The following LUZP2 variants were observed in gnomAD, a reference collection of about 807,000 sequenced individuals.
LUZP2 encodes leucine zipper protein 2.
In LUZP2, 52 loss-of-function variants were observed where a neutral mutation model predicts 51.6. The observed-to-expected ratio is 1.01, with a 90% CI of 0.81 to 1.27. The LOEUF is 1.27. Among genes scored for constraint, LUZP2 ranks in the 50% most tolerant of loss-of-function variants. LUZP2 has a pLI of 0.00. For synonymous variants in LUZP2, 154 were observed against 137.3 expected (o/e 1.12, Z -0.85); for missense variants, 436 against 395.4 (o/e 1.10, Z -0.87).
chr11:24,617,024 G>A (rs1236641829), intron 1 of LUZP2, among the ~76,000 whole-genome samples: 17 of 152,068 alleles, frequency 1.1e-4, no homozygotes, highest in Admixed American at 7.9e-4. Context: ...GTTGGTTGAC[G>A]GCATGAACTA....
At chr11:24,722,785 TG>T (rs1178365500) in intron 1 of LUZP2, among the ~76,000 whole-genome samples, 1 of 151,418 alleles carries the variant, frequency 6.6e-6, no homozygotes, top group Non-Finnish European at 1.5e-5. Flanking sequence ...GGCGTGGGGG[TG>T]CATGCCTGTA....
At chr11:24,782,270 G>C (rs1357821537) in intron 5 of LUZP2, among the ~76,000 whole-genome samples, 3 of 152,066 alleles carry the variant, frequency 2.0e-5, no homozygotes, top group Non-Finnish European at 4.4e-5. Flanking sequence ...AGCATTAGAA[G>C]TATGGTCAGA....
intron 4 of LUZP2, among the ~76,000 whole-genome samples, chr11:24,750,356 A>G (rs1366614240): frequency 6.6e-6 from 1 of 152,208 alleles, no homozygotes; most frequent in East Asian, 1.9e-4. Flanking sequence ...ATACTGCATC[A>G]TTTGCATTAT....
intron 7 of LUZP2, among the ~76,000 whole-genome samples, chr11:24,957,136 G>A (rs1269317184): frequency 6.6e-6 from 1 of 152,110 alleles, no homozygotes; most frequent in Non-Finnish European, 1.5e-5. Flanking sequence ...AACTGTTGGA[G>A]TGAAAGTAGC....
At chr11:24,648,165 C>T (rs1855518772) in intron 1 of LUZP2, among the ~76,000 whole-genome samples, 1 of 151,894 alleles carries the variant, frequency 6.6e-6, no homozygotes, top group South Asian at 2.1e-4. Context: ...ATTCCTAAAG[C>T]TTGTCTTGCC....
intron 7 of LUZP2, among the ~76,000 whole-genome samples, chr11:24,948,849 AT>A (rs1322340295): frequency 1.3e-5 from 2 of 150,362 alleles, no homozygotes; most frequent in Non-Finnish European, 3.0e-5. Context: ...CTATCTATCT[AT>A]CTATCTATCT....
intron 1 of LUZP2, among the ~76,000 whole-genome samples, chr11:24,538,736 G>A (rs1054982146): frequency 7.9e-5 from 12 of 151,720 alleles, no homozygotes; most frequent in Middle Eastern, 3.4e-3. Flanking sequence ...AAAAATAATT[G>A]TGAGAAAGCA....
At chr11:24,965,161 A>T (rs1398731455) in intron 7 of LUZP2, among the ~76,000 whole-genome samples, 1 of 151,072 alleles carries the variant, frequency 6.6e-6, no homozygotes, top group African/African-American at 2.4e-5. Context: ...ATTTCTAATA[A>T]TAAAGAGTGG....
At chr11:24,597,201 T>C (rs1207431305) in intron 1 of LUZP2, among the ~76,000 whole-genome samples, 2 of 152,214 alleles carry the variant, frequency 1.3e-5, no homozygotes, top group East Asian at 3.9e-4. Flanking sequence ...TGTGTATAGA[T>C]ATATACATAA....
At chr11:24,572,814 C>G (rs1852486780) in intron 1 of LUZP2, among the ~76,000 whole-genome samples, 1 of 151,992 alleles carries the variant, frequency 6.6e-6, no homozygotes, top group Non-Finnish European at 1.5e-5. Flanking sequence ...ACGAAATATT[C>G]TGTTTTCTGA....
At chr11:24,606,784 T>A (rs1191820682) in intron 1 of LUZP2, among the ~76,000 whole-genome samples, 1 of 152,112 alleles carries the variant, frequency 6.6e-6, no homozygotes, top group Non-Finnish European at 1.5e-5. Flanking sequence ...TAAAGGTTCT[T>A]TTTTCTCCAC....
intron 5 of LUZP2, among the ~76,000 whole-genome samples, chr11:24,824,673 TACACATATTTATTTTATATGATC>T (rs1411035110): frequency 5.9e-5 from 9 of 152,004 alleles, no homozygotes; most frequent in Non-Finnish European, 1.2e-4. Flanking sequence ...AATAAAGCCC[TACACATATTTATTTTATATGATC>T]ACACATATTT....
intron 1 of LUZP2, among the ~76,000 whole-genome samples, chr11:24,633,737 GAATT>G (rs1854971674): frequency 2.6e-5 from 4 of 151,914 alleles, no homozygotes; most frequent in South Asian, 2.1e-4. Context: ...CATAATGAAT[GAATT>G]AATATCTCAA....
intron 5 of LUZP2, among the ~76,000 whole-genome samples, chr11:24,883,526 G>A (rs1245688567): frequency 6.6e-6 from 1 of 151,918 alleles, no homozygotes; most frequent in East Asian, 1.9e-4. Flanking sequence ...ATTTATAGCA[G>A]CTAAACTTTA....
At chr11:24,864,363 G>A (rs1156704169) in intron 5 of LUZP2, among the ~76,000 whole-genome samples, 1 of 152,108 alleles carries the variant, frequency 6.6e-6, no homozygotes, top group Non-Finnish European at 1.5e-5. Flanking sequence ...GGGATTTTTT[G>A]TGCCTTTATA....
rs114636511 is a variant in LUZP2, at chr11:24,657,356, G to A, written c.63-71813G>A. ...CTGAGAAACTGAGTAAATAGTGTAC[G>A]TTTAGAACTAGGATTCAACAAACCT... On this transcript the variant is annotated intron_variant, in intron 1 of 11. Transcript: ENST00000336930. Among the ~76,000 whole-genome samples the A allele has an allele frequency of 7.8e-3, 1,180 of 152,242 alleles. 16 individuals are homozygous for A. The highest frequency in any genetic ancestry group is 0.026 in the African/African-American group (1,069 of 41,566).
At chr11:25,011,817 T>G (rs1856992668) in intron 9 of LUZP2, among the ~76,000 whole-genome samples, 2 of 152,100 alleles carry the variant, frequency 1.3e-5, no homozygotes, top group South Asian at 2.1e-4. Flanking sequence ...CCTTGTAGAT[T>G]TATTATTTAT....
chr11:24,776,639 A>T (rs967204671), intron 5 of LUZP2, among the ~76,000 whole-genome samples: 1 of 152,130 alleles, frequency 6.6e-6, no homozygotes, highest in Non-Finnish European at 1.5e-5. Context: ...ACATTGCCAT[A>T]TATTTGTTAG....
At chr11:24,939,476 G>T (rs1210093626) in intron 7 of LUZP2, among the ~76,000 whole-genome samples, 1 of 151,790 alleles carries the variant, frequency 6.6e-6, no homozygotes, top group African/African-American at 2.4e-5. Flanking sequence ...CTAGCTTTAT[G>T]GAAGACTGAC....
Sources: allele counts gnomAD v4.1 joint callset (sites outside exome capture counted in the v4.1 genomes callset), GRCh38; gene constraint gnomAD v4.1.1; transcripts MANE v1.5; gene names NCBI Gene and HGNC (gene_info 2026-07-23, HGNC 2026-07-21).